Variants in NKD1 observed in about 807,000 individuals in gnomAD.
NKD1 encodes NKD inhibitor of Wnt signaling pathway 1.
A neutral mutation model predicts 56.0 loss-of-function variants in NKD1; 21 were observed. The ratio of observed to expected loss-of-function variants is 0.38; its 90% CI spans 0.27 to 0.54. The LOEUF is 0.54. NKD1 is among the 20% of genes least tolerant of loss of function. The pLI, the probability that NKD1 is intolerant of heterozygous loss-of-function variation, is 0.82. For synonymous variants in NKD1, 263 were observed against 265.7 expected, an observed-to-expected ratio of 0.99 and a Z score of 0.10; for missense variants, 578 against 642.7, an observed-to-expected ratio of 0.90 and a Z score of 1.09.
chr16:50,632,153 C>T lies in NKD1; in HGVS notation c.696-128C>T, dbSNP rs1035088590. On this transcript the variant is annotated intron_variant, in intron 8 of 9. Transcript: ENST00000268459. The surrounding 1 kb of genome is among the most constrained non-coding windows in gnomAD (Gnocchi z 4.1). The stretch of plus-strand genomic sequence containing the variant: ...GTATAGAGGACTGTTCCTCCCCACC[C>T]TCTCCAAAGGCCAAGAAGGAAATGA... 7.0e-6 allele frequency: 6 copies of T among 861,098 alleles called. No homozygotes were observed. The highest frequency in any genetic ancestry group is 5.1e-5 in the African/African-American group (3 of 58,996). 53.3% of individuals were successfully genotyped at this position (861,098 alleles called of 1,614,324 possible). A position where few individuals can be genotyped will look rare whatever the true frequency, so the allele number is the denominator to read the frequency against.
At chr16:50,602,593 C>T (rs1025084482) in intron 3 of NKD1, among the ~76,000 whole-genome samples, 2 of 152,194 alleles carry the variant, frequency 1.3e-5, no homozygotes, top group Non-Finnish European at 2.9e-5. Flanking sequence ...TATGACCCCC[C>T]CCACACCCTC....
rs1005469324 is a variant in NKD1, at chr16:50,602,768, C to T, written c.193-5526C>T. 3.9e-5 allele frequency among the ~76,000 whole-genome samples: 6 copies of T among 152,352 alleles called. No homozygotes were observed. In the East Asian group the frequency reaches 1.2e-3, roughly 29 times the overall value. ...TTCCTGTGAGGGCTCCTTTGCCTGT[C>T]CTGTGGTCTGGCCCTCTGCCCGGGA... On this transcript the variant is annotated intron_variant, in intron 3 of 9. Transcript: ENST00000268459.
intron 4 of NKD1, chr16:50,608,567 G>A: frequency 1.7e-6 from 1 of 596,006 alleles, no homozygotes; most frequent in East Asian, 2.9e-5. Context: ...AAGCCCAGGT[G>A]GGGGTCCGGT....
At chr16:50,571,938 G>T (rs1363679868) in intron 3 of NKD1, among the ~76,000 whole-genome samples, 4 of 152,010 alleles carry the variant, frequency 2.6e-5, no homozygotes, top group African/African-American at 9.7e-5. Flanking sequence ...ATCCCCGGCC[G>T]CCCTTCACCT....
At chr16:50,579,675 C>T (rs112760575) in intron 3 of NKD1, among the ~76,000 whole-genome samples, 29 of 143,428 alleles carry the variant, frequency 2.0e-4, no homozygotes, top group African/African-American at 7.5e-4. Context: ...CACTCTAACC[C>T]GCCACGCATG....
At chr16:50,566,260 C>A in intron 3 of NKD1, 1 of 765,426 alleles carries the variant, frequency 1.3e-6, no homozygotes, top group Non-Finnish European at 1.6e-6. Context: ...ACAGCTGGAT[C>A]CACCAGCCCA....
At position 50,645,373 on chromosome 16, in the gene NKD1, A is replaced by G. The variant is rs1164696404; in HGVS notation, c.*11592A>G. 2.0e-5 allele frequency: 3 copies of G among 152,620 alleles called. No individual in the cohort carries two copies. Among genetic ancestry groups the G allele is most frequent in the African/African-American group, 2.4e-5 (1 of 41,438 alleles). 9.5% of individuals were successfully genotyped at this position (152,620 alleles called of 1,614,324 possible). A position where few individuals can be genotyped will look rare whatever the true frequency, so the allele number is the denominator to read the frequency against. The stretch of plus-strand genomic sequence containing the variant: ...TAGGGGGTGACCTCAAGGGTGAGGA[A>G]GAATTAGCCAGGTGGAAAGTTAGAG... On this transcript the variant is annotated 3_prime_UTR_variant, in exon 10 of 10. Transcript: ENST00000268459.
At chr16:50,570,247 C>G (rs1960852198) in intron 3 of NKD1, among the ~76,000 whole-genome samples, 1 of 151,944 alleles carries the variant, frequency 6.6e-6, no homozygotes, top group Admixed American at 6.6e-5. Context: ...GTATTCTGTT[C>G]CTGTCACACA....
At chr16:50,579,325 C>T (rs1212598353) in intron 3 of NKD1, among the ~76,000 whole-genome samples, 2 of 148,760 alleles carry the variant, frequency 1.3e-5, no homozygotes, top group Non-Finnish European at 3.0e-5. Context: ...TACACACGCA[C>T]TCTAACCCAC....
At chr16:50,600,341 C>T (rs1961567177) in intron 3 of NKD1, among the ~76,000 whole-genome samples, 1 of 151,914 alleles carries the variant, frequency 6.6e-6, no homozygotes, top group Non-Finnish European at 1.5e-5. Flanking sequence ...GGTACGGTGG[C>T]CTGTGTCGGT....
At chr16:50,627,290 C>T (rs555530379) in intron 6 of NKD1, among the ~76,000 whole-genome samples, 1 of 152,286 alleles carries the variant, frequency 6.6e-6, no homozygotes, top group African/African-American at 2.4e-5. Flanking sequence ...TTCCTCTATT[C>T]CTCAGCTCTA....
At chr16:50,566,003 A>C in intron 3 of NKD1, 1 of 215,604 alleles carries the variant, frequency 4.6e-6, no homozygotes, top group South Asian at 1.7e-4. Context: ...TGTGCCCCCG[A>C]CACACACTGC....
intron 5 of NKD1, among the ~76,000 whole-genome samples, chr16:50,622,013 G>T (rs1962103278): frequency 6.6e-6 from 1 of 152,232 alleles, no homozygotes; most frequent in Admixed American, 6.5e-5. Flanking sequence ...TTCTGTTGCT[G>T]TCACCTCTCT....
At chr16:50,597,487 G>A (rs1400877770) in intron 3 of NKD1, among the ~76,000 whole-genome samples, 1 of 152,194 alleles carries the variant, frequency 6.6e-6, no homozygotes, top group East Asian at 1.9e-4. Context: ...TTTAAAAAGA[G>A]AGAATATAAA....
Position 50,548,800 on chromosome 16 carries a change from G to C in NKD1, c.58+51G>C, listed in dbSNP as rs1960299509. The C allele has an allele frequency of 3.7e-6, 5 of 1,349,368 alleles. No individual in the cohort carries two copies. The East Asian group carries it at 1.5e-4, about 42-fold the overall frequency. The allele number at this position is 1,349,368 out of a possible 1,614,324, so 83.6% of individuals were successfully genotyped here. A position where few individuals can be genotyped will look rare whatever the true frequency, so the allele number is the denominator to read the frequency against. On this transcript the variant is annotated intron_variant, in intron 2 of 9. Transcript: ENST00000268459. ...CGGGGATGGACGCGGGGGACACCGC[G>C]GCCGCGGCAGAACGGCCCAGCCCGC...
chr16:50,590,488 A>G (rs1961341702), intron 3 of NKD1, among the ~76,000 whole-genome samples: 1 of 151,988 alleles, frequency 6.6e-6, no homozygotes, highest in Non-Finnish European at 1.5e-5. Flanking sequence ...CTTTATATTC[A>G]CCTTCATTTT....
Position 50,561,393 on chromosome 16 carries a change from TA to T in NKD1, c.192+11853del, listed in dbSNP as rs10692410. Reference sequence around the variant, plus strand: ...GGAGAAGGCTTTGTTTCTACTGCTGTAAAAAAAAAAAAAAAGTCCAAAGATT... The same window carrying T: ...GGAGAAGGCTTTGTTTCTACTGCTGTAAAAAAAAAAAAAAGTCCAAAGATT... On this transcript the variant is annotated intron_variant, in intron 3 of 9. Coordinates refer to ENST00000268459, the MANE Select transcript of NKD1 (RefSeq NM_033119.5). 6.6e-3 allele frequency among the ~76,000 whole-genome samples: 924 copies of T among 140,450 alleles called. 1 individual carries two copies. Among genetic ancestry groups the T allele is most frequent in the Middle Eastern group, 7.4e-3 (2 of 272 alleles). The allele number at this position is 140,450 out of a possible 152,430, so 92.1% of individuals were successfully genotyped here.
intron 4 of NKD1, among the ~76,000 whole-genome samples, chr16:50,609,184 G>A (rs537167789): frequency 5.3e-5 from 8 of 152,362 alleles, no homozygotes; most frequent in African/African-American, 1.9e-4. Context: ...ACGCTTAAGC[G>A]TAGAGGGTCT....
intron 3 of NKD1, among the ~76,000 whole-genome samples, chr16:50,586,122 C>G (rs1017172943): frequency 2.6e-5 from 4 of 152,104 alleles, no homozygotes; most frequent in Non-Finnish European, 5.9e-5. Context: ...CTCTGACCCT[C>G]AGCCCTGCTG....
Sources: allele counts gnomAD v4.1 joint callset (sites outside exome capture counted in the v4.1 genomes callset), GRCh38; gene constraint gnomAD v4.1.1; non-coding constraint Gnocchi (gnomAD v3.1); transcripts MANE v1.5; gene names NCBI Gene and HGNC (gene_info 2026-07-23, HGNC 2026-07-21).